Variants in MEIKIN observed in about 807,000 individuals in gnomAD.
MEIKIN encodes meiosis-specific kinetochore protein.
At chr5:131,828,038 C>CA (rs754641369) in intron 11 of MEIKIN, among the ~76,000 whole-genome samples, 4,284 of 107,572 alleles carry the variant, frequency 0.04, 130 homozygotes, top group Admixed American at 0.11. Context: ...GACCCTGTCT[C>CA]AAAAAAAAAA....
At chr5:131,836,133 G>A (rs1174908451) in intron 11 of MEIKIN, among the ~76,000 whole-genome samples, 1 of 152,114 alleles carries the variant, frequency 6.6e-6, no homozygotes, top group African/African-American at 2.4e-5. Flanking sequence ...ATTTATAAGT[G>A]AGAATATGCC....
intron 3 of MEIKIN, among the ~76,000 whole-genome samples, chr5:131,943,904 G>C (rs919381214): frequency 6.6e-6 from 1 of 152,064 alleles, no homozygotes; most frequent in Non-Finnish European, 1.5e-5. Context: ...GATCACTTGA[G>C]GTCAGGAGTT....
intron 8 of MEIKIN, among the ~76,000 whole-genome samples, chr5:131,882,589 G>A (rs13155131): frequency 6.6e-6 from 1 of 152,138 alleles, no homozygotes; most frequent in Non-Finnish European, 1.5e-5. Flanking sequence ...GAAATAAAAT[G>A]TAAAATAAAA....
intron 11 of MEIKIN, among the ~76,000 whole-genome samples, chr5:131,835,805 G>C (rs1344441836): frequency 6.6e-6 from 1 of 152,190 alleles, no homozygotes; most frequent in Non-Finnish European, 1.5e-5. Flanking sequence ...GTGTTAGCCA[G>C]GATGGTCTCA....
intron 9 of MEIKIN, among the ~76,000 whole-genome samples, chr5:131,871,832 C>A (rs4379181): frequency 0.58 from 87,450 of 151,874 alleles, 29,609 homozygotes; most frequent in Non-Finnish European, 0.76. Flanking sequence ...GCAGCATTTG[C>A]GGTTCACCAA....
At chr5:131,905,474 A>G (rs1751228059) in intron 8 of MEIKIN, among the ~76,000 whole-genome samples, 1 of 152,298 alleles carries the variant, frequency 6.6e-6, no homozygotes, top group Non-Finnish European at 1.5e-5. Context: ...GATGAAAAAA[A>G]ACATACAAAA....
intron 8 of MEIKIN, among the ~76,000 whole-genome samples, chr5:131,896,271 C>A (rs1338147115): frequency 6.6e-6 from 1 of 152,084 alleles, no homozygotes; most frequent in Non-Finnish European, 1.5e-5. Context: ...GATTTCTGTT[C>A]TTTTTCATGT....
intron 9 of MEIKIN, among the ~76,000 whole-genome samples, chr5:131,856,633 C>T (rs1750196791): frequency 6.6e-6 from 1 of 152,172 alleles, no homozygotes; most frequent in Non-Finnish European, 1.5e-5. Flanking sequence ...TAGTCATTAG[C>T]CCCTGATGTT....
intron 8 of MEIKIN, among the ~76,000 whole-genome samples, chr5:131,895,718 G>A (rs1480922429): frequency 2.0e-5 from 3 of 151,828 alleles, no homozygotes; most frequent in Non-Finnish European, 4.4e-5. Context: ...TGTATTTCTG[G>A]GATCAGTGGT....
At chr5:131,840,265 T>C (rs1047085731) in intron 11 of MEIKIN, among the ~76,000 whole-genome samples, 23 of 152,338 alleles carry the variant, frequency 1.5e-4, no homozygotes, top group African/African-American at 5.5e-4. Flanking sequence ...GTGGGTGACC[T>C]GACCTTTTTC....
intron 8 of MEIKIN, among the ~76,000 whole-genome samples, chr5:131,886,700 G>A (rs1021604161): frequency 5.3e-5 from 8 of 152,174 alleles, no homozygotes; most frequent in African/African-American, 1.7e-4. Flanking sequence ...TGAGCAATAA[G>A]AAATAATGTG....
At chr5:131,879,642 T>C (rs974343320) in intron 8 of MEIKIN, among the ~76,000 whole-genome samples, 3 of 152,216 alleles carry the variant, frequency 2.0e-5, no homozygotes, top group African/African-American at 4.8e-5. Flanking sequence ...TCTGTCCACA[T>C]ATACCAACTT....
At chr5:131,871,767 C>G (rs187714539) in intron 9 of MEIKIN, among the ~76,000 whole-genome samples, 332 of 152,294 alleles carry the variant, frequency 2.2e-3, no homozygotes, top group African/African-American at 5.9e-3. Flanking sequence ...CGGACTGACA[C>G]CTCACACAGC....
chr5:131,860,787 A>C (rs551905746), intron 9 of MEIKIN, among the ~76,000 whole-genome samples: 2 of 92,244 alleles, frequency 2.2e-5, no homozygotes, highest in African/African-American at 8.4e-5. Context: ...TTTGAGAGAG[A>C]GTCTTGCTCT....
At chr5:131,885,299 C>T (rs1353038045) in intron 8 of MEIKIN, among the ~76,000 whole-genome samples, 1 of 144,336 alleles carries the variant, frequency 6.9e-6, no homozygotes, top group Non-Finnish European at 1.5e-5. Context: ...CACAGAGGTG[C>T]TTGTGTTACC....
chr5:131,852,132 C>A (rs950456173), intron 10 of MEIKIN, among the ~76,000 whole-genome samples: 5 of 152,136 alleles, frequency 3.3e-5, no homozygotes, highest in Non-Finnish European at 7.4e-5. Flanking sequence ...TGTGTCTCTA[C>A]TCAAATCTCA....
At chr5:131,844,866 G>C (rs1489775732) in intron 11 of MEIKIN, among the ~76,000 whole-genome samples, 1 of 152,042 alleles carries the variant, frequency 6.6e-6, no homozygotes, top group African/African-American at 2.4e-5. Context: ...TGCATGTCTA[G>C]AAAAATATGC....
At chr5:131,913,091 G>A (rs190600521) in intron 7 of MEIKIN, among the ~76,000 whole-genome samples, 8 of 152,320 alleles carry the variant, frequency 5.3e-5, no homozygotes, top group Middle Eastern at 3.4e-3. Context: ...TAAACTTGAA[G>A]TATTCTGAAG....
At chr5:131,875,646 T>C (rs1454928074) in intron 9 of MEIKIN, among the ~76,000 whole-genome samples, 13 of 152,112 alleles carry the variant, frequency 8.5e-5, no homozygotes, top group Non-Finnish European at 4.4e-5. Context: ...AAAAACTACT[T>C]TCAAGTTCAT....
Sources: allele counts gnomAD v4.1 joint callset (sites outside exome capture counted in the v4.1 genomes callset), GRCh38; gene constraint gnomAD v4.1.1; transcripts MANE v1.5; gene names NCBI Gene and HGNC (gene_info 2026-07-23, HGNC 2026-07-21).